The following CDH13 variants were observed in gnomAD, a reference collection of about 807,000 sequenced individuals.
The protein encoded by CDH13 is cadherin 13.
In CDH13, 24 loss-of-function variants were observed where a neutral mutation model predicts 63.8. The ratio of observed to expected loss-of-function variants is 0.38; its 90% CI spans 0.27 to 0.53. The LOEUF is 0.53. Ranked by LOEUF, CDH13 falls within the 20% of genes least tolerant of loss-of-function variation. CDH13 has a pLI of 0.85. For synonymous variants in CDH13, 503 were observed against 355.3 expected (o/e 1.42, Z -4.67); for missense variants, 1,049 against 903.1 (o/e 1.16, Z -2.07).
At chr16:83,129,404 T>A (rs2035951018) in intron 4 of CDH13, among the ~76,000 whole-genome samples, 1 of 152,238 alleles carries the variant, frequency 6.6e-6, no homozygotes. Flanking sequence ...TGAAGGCAGT[T>A]CATTTCAGAG....
chr16:83,625,194 G>GTGTGTGTGCTCATGTA (rs1276247221), intron 8 of CDH13, among the ~76,000 whole-genome samples: 151 of 152,062 alleles, frequency 9.9e-4, no homozygotes, highest in African/African-American at 3.5e-3. Flanking sequence ...GTGCTCATGT[G>GTGTGTGTGCTCATGTA]TGTGTGTGCA....
chr16:83,215,846 T>C (rs1005039692), intron 4 of CDH13, among the ~76,000 whole-genome samples: 2 of 152,184 alleles, frequency 1.3e-5, no homozygotes, highest in South Asian at 2.1e-4. Flanking sequence ...GACCTTTCAA[T>C]TGTTTTGTTA....
At chr16:82,946,019 G>A (rs1051549792) in intron 2 of CDH13, among the ~76,000 whole-genome samples, 6 of 152,024 alleles carry the variant, frequency 3.9e-5, no homozygotes, top group Admixed American at 6.6e-5. Context: ...GAATTTTATA[G>A]CACTTCTCCT....
chr16:83,787,314 T>C (rs1057355587), intron 13 of CDH13, among the ~76,000 whole-genome samples: 2 of 152,182 alleles, frequency 1.3e-5, no homozygotes, highest in Non-Finnish European at 2.9e-5. Flanking sequence ...TGTTTGTTTG[T>C]TTGTTTGTTT....
At chr16:82,978,801 G>T (rs1909871307) in intron 2 of CDH13, among the ~76,000 whole-genome samples, 1 of 152,248 alleles carries the variant, frequency 6.6e-6, no homozygotes, top group Non-Finnish European at 1.5e-5. Context: ...CCCACACAGA[G>T]TCCCCACTGG....
chr16:83,625,226 CTATG>C (rs1269453865), intron 8 of CDH13, among the ~76,000 whole-genome samples: 2 of 146,262 alleles, frequency 1.4e-5, no homozygotes, highest in South Asian at 2.2e-4. Flanking sequence ...ACACGTGTGT[CTATG>C]TGTGTGTGTG....
intron 1 of CDH13, among the ~76,000 whole-genome samples, chr16:82,793,704 T>C (rs1347050930): frequency 6.6e-6 from 1 of 152,160 alleles, no homozygotes; most frequent in Non-Finnish European, 1.5e-5. Flanking sequence ...GTCTGTGATG[T>C]AGATGACTGT....
intron 5 of CDH13, among the ~76,000 whole-genome samples, chr16:83,291,866 G>T (rs559553157): frequency 6.6e-6 from 1 of 152,088 alleles, no homozygotes. Flanking sequence ...TGTGTTCTAT[G>T]ATTCTTTTCC....
chr16:83,501,389 C>T (rs555603943), intron 7 of CDH13, among the ~76,000 whole-genome samples: 3 of 152,200 alleles, frequency 2.0e-5, no homozygotes, highest in Non-Finnish European at 4.4e-5. Context: ...ATGAAAGACT[C>T]TCAGAGTCCT....
At chr16:83,778,780 C>T (rs1290904251) in intron 11 of CDH13, among the ~76,000 whole-genome samples, 1 of 152,136 alleles carries the variant, frequency 6.6e-6, no homozygotes, top group Non-Finnish European at 1.5e-5. Context: ...GCCATCCCAG[C>T]CCCCAGTGGC....
At chr16:83,393,998 A>G (rs752528692) in intron 6 of CDH13, among the ~76,000 whole-genome samples, 14 of 152,356 alleles carry the variant, frequency 9.2e-5, no homozygotes, top group South Asian at 6.2e-4. Context: ...AGGCAGGAAC[A>G]GAAATCCAAA....
intron 7 of CDH13, among the ~76,000 whole-genome samples, chr16:83,553,791 A>G (rs1294581574): frequency 2.0e-5 from 3 of 152,230 alleles, no homozygotes; most frequent in African/African-American, 4.8e-5. Context: ...TCCTGACCTC[A>G]GGTGATCCAC....
At chr16:82,712,345 G>C (rs1407457310) in intron 1 of CDH13, among the ~76,000 whole-genome samples, 1 of 152,080 alleles carries the variant, frequency 6.6e-6, no homozygotes, top group African/African-American at 2.4e-5. Flanking sequence ...ACAAAGATTT[G>C]TATAAAAATG....
chr16:82,951,186 CA>C (rs1905253111), intron 2 of CDH13, among the ~76,000 whole-genome samples: 1 of 152,006 alleles, frequency 6.6e-6, no homozygotes, highest in South Asian at 2.1e-4. Context: ...TTGTCCTCTA[CA>C]AAAGTCAGTG....
intron 1 of CDH13, among the ~76,000 whole-genome samples, chr16:82,692,274 G>A (rs78024577): frequency 6.6e-6 from 1 of 152,324 alleles, no homozygotes; most frequent in East Asian, 1.9e-4. Flanking sequence ...TAAGTCATTA[G>A]AAACTATATT....
At chr16:83,508,672 C>A (rs549019358) in intron 7 of CDH13, among the ~76,000 whole-genome samples, 16 of 152,282 alleles carry the variant, frequency 1.1e-4, no homozygotes, top group African/African-American at 3.6e-4. Context: ...CACCAGTTGT[C>A]CACAGAGATA....
intron 6 of CDH13, among the ~76,000 whole-genome samples, chr16:83,464,976 G>A (rs1567690614): frequency 6.6e-6 from 1 of 152,172 alleles, no homozygotes; most frequent in Admixed American, 6.5e-5. Context: ...AGGATATCAA[G>A]TCTGGGAATG....
intron 13 of CDH13, among the ~76,000 whole-genome samples, chr16:83,783,728 T>C (rs1429991461): frequency 1.3e-5 from 2 of 152,174 alleles, no homozygotes; most frequent in Non-Finnish European, 2.9e-5. Context: ...GCAAACTAGG[T>C]GGTAAGCAAA....
chr16:82,842,127 TATATATATATAC>T (rs1567590401), intron 1 of CDH13, among the ~76,000 whole-genome samples: 78 of 48,384 alleles, frequency 1.6e-3, no homozygotes, highest in Non-Finnish European at 3.2e-3. Context: ...TATATATATA[TATATATATATAC>T]ACATATATAT....
Sources: gnomAD v4.1 joint callset for allele counts (sites outside exome capture counted in the v4.1 genomes callset) on GRCh38, gnomAD v4.1.1 for gene constraint, MANE v1.5 for transcripts, NCBI Gene and HGNC (gene_info 2026-07-23, HGNC 2026-07-21) for gene names.